RERE: variants seen among roughly 807,000 people sequenced by gnomAD.
RERE encodes the protein arginine-glutamic acid dipeptide repeats protein.
A neutral mutation model predicts 146.1 loss-of-function variants in RERE; 40 were observed. The observed-to-expected ratio is 0.27, with a 90% CI of 0.21 to 0.36. The LOEUF (loss-of-function observed/expected upper bound fraction) is 0.36, where lower values mean the gene tolerates loss of function less well. RERE is among the 10% of genes least tolerant of loss of function. RERE has a pLI of 1.00. For missense variants in RERE, 1,933 were observed against 2,138.7 expected (o/e 0.90, Z 1.90); for synonymous variants, 1,003 against 866.0 (o/e 1.16, Z -2.78).
At chr1:8,671,767 A>G (rs1220854510) in intron 1 of RERE, among the ~76,000 whole-genome samples, 2 of 152,182 alleles carry the variant, frequency 1.3e-5, no homozygotes, top group East Asian at 3.8e-4. Flanking sequence ...AAAAAATGAA[A>G]TTTAATGGGT....
At chr1:8,649,986 C>T (rs939286410) in intron 2 of RERE, among the ~76,000 whole-genome samples, 14 of 151,998 alleles carry the variant, frequency 9.2e-5, no homozygotes, top group African/African-American at 3.1e-4. Flanking sequence ...ACTGGGGTGG[C>T]AGAGCTTAAG....
At chr1:8,678,587 G>C (rs1298561730) in intron 1 of RERE, among the ~76,000 whole-genome samples, 1 of 150,542 alleles carries the variant, frequency 6.6e-6, no homozygotes, top group Admixed American at 6.6e-5. Flanking sequence ...ATTGAACCTG[G>C]GAGGCGGAGG....
chr1:8,580,708 C>G (rs778228817), intron 4 of RERE, among the ~76,000 whole-genome samples: 33 of 152,190 alleles, frequency 2.2e-4, no homozygotes, highest in Non-Finnish European at 4.7e-4. Context: ...CTCGATCTAG[C>G]TAGCTAGCTA....
intron 1 of RERE, among the ~76,000 whole-genome samples, chr1:8,769,473 A>G (rs1047744866): frequency 6.6e-6 from 1 of 152,144 alleles, no homozygotes; most frequent in African/African-American, 2.4e-5. Flanking sequence ...TAAAGGATGT[A>G]AAACACATCA....
chr1:8,546,114 C>T (rs569818631), intron 6 of RERE, among the ~76,000 whole-genome samples: 1 of 149,340 alleles, frequency 6.7e-6, no homozygotes, highest in South Asian at 2.1e-4. Flanking sequence ...CTCAGCCTTC[C>T]CGGTAGCTGG....
intron 2 of RERE, among the ~76,000 whole-genome samples, chr1:8,637,467 C>A (rs1647116269): frequency 6.6e-6 from 1 of 152,186 alleles, no homozygotes; most frequent in South Asian, 2.1e-4. Context: ...GGACTACCGA[C>A]AAACAAATTT....
At chr1:8,449,627 C>T (rs192061950) in intron 11 of RERE, among the ~76,000 whole-genome samples, 2 of 152,354 alleles carry the variant, frequency 1.3e-5, no homozygotes, top group African/African-American at 4.8e-5. Context: ...AAGACCACTA[C>T]GTGACTGCAC....
At position 8,805,008 on chromosome 1, in the gene RERE, G is replaced by GTT. The variant is rs1186832596; in HGVS notation, c.-145+12150_-145+12151dup. Among the ~76,000 whole-genome samples, 179 of 77,820 alleles carry GTT rather than the reference G, an allele frequency of 2.3e-3. 3 individuals carry two copies. Among genetic ancestry groups the GTT allele is most frequent in the African/African-American group, 8.4e-3 (163 of 19,492 alleles). 51.1% of individuals were successfully genotyped at this position (77,820 alleles called of 152,430 possible). On this transcript the variant is annotated intron_variant, in intron 1 of 22. Coordinates refer to ENST00000400908, the MANE Select transcript of RERE (RefSeq NM_001042681.2). Reference sequence around the variant, plus strand: ...TTTTTTTTGTTTTGTTTTGTTTTTGGTTTTTTTTTTTTTTTTTTTTGAGAC... The same window carrying GTT: ...TTTTTTTTGTTTTGTTTTGTTTTTGGTTTTTTTTTTTTTTTTTTTTTTGAGAC...
chr1:8,595,185 T>C (rs1570483135), intron 4 of RERE, among the ~76,000 whole-genome samples: 2 of 151,848 alleles, frequency 1.3e-5, no homozygotes, highest in Non-Finnish European at 2.9e-5. Context: ...AGCTGCTGGT[T>C]TGGATCTACC....
At chr1:8,618,177 T>C (rs956106134) in intron 3 of RERE, among the ~76,000 whole-genome samples, 4 of 152,152 alleles carry the variant, frequency 2.6e-5, no homozygotes, top group Admixed American at 2.0e-4. Flanking sequence ...AAACCTAAGG[T>C]ACCAACTAAA....
Position 8,563,519 on chromosome 1 carries a change from C to G in RERE, c.523-5996G>C, listed in dbSNP as rs35370789. Among the ~76,000 whole-genome samples the G allele has an allele frequency of 9.4e-3, 1,434 of 152,344 alleles. 10 individuals carry two copies. The highest frequency in any genetic ancestry group is 0.015 in the Non-Finnish European group (995 of 68,038). On this transcript the variant is annotated intron_variant, in intron 4 of 22. Transcript: ENST00000400908. Reference sequence around the variant, plus strand: ...GGTCCCCAAAGCCTCCAAAACAGACCACTCCTGTCCCTCTGTGTTATCAAA... The same window carrying G: ...GGTCCCCAAAGCCTCCAAAACAGACGACTCCTGTCCCTCTGTGTTATCAAA...
At chr1:8,695,516 CA>C (rs1639307670) in intron 1 of RERE, among the ~76,000 whole-genome samples, 1 of 145,054 alleles carries the variant, frequency 6.9e-6, no homozygotes, top group African/African-American at 2.6e-5. Flanking sequence ...TTGGGAGGCC[CA>C]GGGGGGCGGA....
At chr1:8,802,351 T>C (rs186501314) in intron 1 of RERE, among the ~76,000 whole-genome samples, 11 of 152,336 alleles carry the variant, frequency 7.2e-5, no homozygotes, top group Admixed American at 4.6e-4. Flanking sequence ...CCTGCCTGCA[T>C]CTGCTATAAA....
chr1:8,745,436 A>T (rs769268152), intron 1 of RERE, among the ~76,000 whole-genome samples: 4 of 152,166 alleles, frequency 2.6e-5, no homozygotes, highest in Non-Finnish European at 5.9e-5. Flanking sequence ...CGTTTCTCTC[A>T]ACTACTGACA....
chr1:8,675,771 A>ATACATACT (rs1638827632), intron 1 of RERE, among the ~76,000 whole-genome samples: 1 of 151,652 alleles, frequency 6.6e-6, no homozygotes, highest in Non-Finnish European at 1.5e-5. Context: ...ACATACATAC[A>ATACATACT]TACATACATA....
intron 1 of RERE, among the ~76,000 whole-genome samples, chr1:8,706,009 G>C (rs1300931107): frequency 1.3e-5 from 2 of 150,280 alleles, no homozygotes; most frequent in South Asian, 2.1e-4. Flanking sequence ...CCAGCTACTA[G>C]GGAGGCTAAG....
At chr1:8,669,134 G>A (rs576700919) in intron 1 of RERE, among the ~76,000 whole-genome samples, 6 of 150,784 alleles carry the variant, frequency 4.0e-5, no homozygotes, top group East Asian at 3.9e-4. Flanking sequence ...AGTGGCATGC[G>A]TGATCACGGC....
intron 1 of RERE, among the ~76,000 whole-genome samples, chr1:8,727,682 C>T (rs1639999641): frequency 2.6e-5 from 4 of 151,958 alleles, no homozygotes; most frequent in African/African-American, 7.3e-5. Flanking sequence ...TTGGTAGAGA[C>T]GGTGTTTCAC....
In RERE at chr1:8,353,537, T is replaced by C. The variant is rs1386823823; in HGVS notation, c.*1550A>G. ...AAAAGGATCGGAAGAGGCCACGTCC[T>C]GGCAGGAAGCAGGGCCGACAGAGGG... is the stretch of plus-strand genomic sequence containing the variant. On this transcript the variant is annotated 3_prime_UTR_variant, in exon 23 of 23. Transcript: ENST00000400908. The C allele has an allele frequency of 6.6e-6, 1 of 152,184 alleles. No individual in the cohort carries two copies. The highest frequency in any genetic ancestry group is 1.5e-5 in the Non-Finnish European group (1 of 68,076). The allele number at this position is 152,184 out of a possible 1,614,324, so 9.4% of individuals were successfully genotyped here.
Sources: gnomAD v4.1 joint callset for allele counts (sites outside exome capture counted in the v4.1 genomes callset) on GRCh38, gnomAD v4.1.1 for gene constraint, MANE v1.5 for transcripts, NCBI Gene and HGNC (gene_info 2026-07-23, HGNC 2026-07-21) for gene names.